Variants in PPP1R3A observed in about 807,000 individuals in gnomAD.
PPP1R3A encodes the protein protein phosphatase 1 regulatory subunit 3A, also known as RG1.
Under a neutral mutation model 41.7 loss-of-function variants are expected in PPP1R3A, and 29 were observed. The observed-to-expected ratio is 0.70, with a 90% CI of 0.52 to 0.95. The LOEUF (loss-of-function observed/expected upper bound fraction) is 0.95. PPP1R3A is among the 40% of genes least tolerant of loss of function. The pLI is 0.00. For synonymous variants in PPP1R3A, 485 were observed against 453.4 expected (o/e 1.07, Z -0.89); for missense variants, 1,352 against 1,292.4 (o/e 1.05, Z -0.71).
intron 1 of PPP1R3A, among the ~76,000 whole-genome samples, chr7:113,904,801 T>C (rs1797119098): frequency 6.6e-6 from 1 of 151,698 alleles, no homozygotes; most frequent in Non-Finnish European, 1.5e-5. Flanking sequence ...CTAAAAACAG[T>C]ATCCCTCCAT....
chr7:113,878,107 C>A lies in PPP1R3A; in HGVS notation c.2985G>T (p.Gln995His), dbSNP rs570974170. ...CACTATACTCTTCTGTTTGGAAAAT[C>A]TGGCCTATGCATCTTTCTTTTCTAC... ...SGSRKERCIG[Q>H]IFQTEEYSVE... The change falls in exon 4 of 4, where the codon CAG (glutamine) becomes CAT (histidine). Residue 995 changes from glutamine to histidine, a missense_variant. Transcript: ENST00000284601. 3 of 1,613,280 alleles carry A rather than the reference C, an allele frequency of 1.9e-6. No individual in the cohort carries two copies. Among genetic ancestry groups the A allele is most frequent in the Non-Finnish European group, 2.5e-6 (3 of 1,179,678 alleles).
chr7:113,878,810 C>A lies in PPP1R3A; in HGVS notation c.2282G>T (p.Arg761Leu). The A allele has an allele frequency of 6.2e-7, 1 of 1,613,584 alleles. No individual in the cohort carries two copies. The highest frequency in any genetic ancestry group is 8.5e-7 in the Non-Finnish European group (1 of 1,179,750). The change falls in exon 4 of 4, where the codon CGA (arginine) becomes CTA (leucine). Residue 761 changes from arginine (R) to leucine (L), a missense_variant. Arg to Leu is a moderately radical substitution (Grantham distance 102). Coordinates refer to ENST00000284601, the MANE Select transcript of PPP1R3A (RefSeq NM_002711.4). ...IIAKLPQETARSDRPIEVKET... is the reference protein window; with the variant it reads ...IIAKLPQETALSDRPIEVKET... The stretch of plus-strand genomic sequence containing the variant: ...CTTTACCTCGATGGGCCTGTCACTT[C>A]GTGCTGTCTCTTGAGGTAGCTTAGC...
intron 1 of PPP1R3A, among the ~76,000 whole-genome samples, chr7:113,908,781 T>C (rs997860197): frequency 2.0e-5 from 3 of 151,812 alleles, no homozygotes; most frequent in Non-Finnish European, 2.9e-5. Flanking sequence ...AGAAAAAGTA[T>C]ATATACACTA....
chr7:113,898,843 G>C (rs1321927003), intron 1 of PPP1R3A, among the ~76,000 whole-genome samples: 1 of 151,740 alleles, frequency 6.6e-6, no homozygotes, highest in Non-Finnish European at 1.5e-5. Context: ...ATTTCTTAGA[G>C]CTTTTACTAA....
intron 1 of PPP1R3A, among the ~76,000 whole-genome samples, chr7:113,891,108 A>AAAAAAAAAAC (rs1562920994): frequency 6.7e-6 from 1 of 150,356 alleles, no homozygotes; most frequent in Non-Finnish European, 1.5e-5. Flanking sequence ...AAAAAAAAAA[A>AAAAAAAAAAC]AAAAAACCCT....
rs1214119050 is a variant in PPP1R3A, at chr7:113,877,221, G to T, written c.*502C>A. The T allele has an allele frequency of 7.9e-5, 12 of 151,322 alleles. No individual in the cohort carries two copies. The highest frequency in any genetic ancestry group is 1.5e-4 in the African/African-American group (6 of 41,104). 9.4% of individuals were successfully genotyped at this position (151,322 alleles called of 1,614,324 possible). A position where few individuals can be genotyped will look rare whatever the true frequency, so the allele number is the denominator to read the frequency against. On this transcript the variant is annotated 3_prime_UTR_variant, in exon 4 of 4. Transcript: ENST00000284601. ...GGGTGTTTTCTTAAAAATATGAAAGGTTGAAATATTTGATCAATGAATCCT... is the reference window on the plus strand; with the variant it reads ...GGGTGTTTTCTTAAAAATATGAAAGTTTGAAATATTTGATCAATGAATCCT...
intron 1 of PPP1R3A, among the ~76,000 whole-genome samples, chr7:113,904,661 T>G (rs1797117172): frequency 1.3e-5 from 2 of 151,164 alleles, no homozygotes; most frequent in Non-Finnish European, 3.0e-5. Context: ...GGTCAAAGAA[T>G]TACCCAGAAA....
At position 113,903,516 on chromosome 7, in the gene PPP1R3A, T is replaced by C. The variant is rs145330405; in HGVS notation, c.782+14699A>G. 3.5e-4 allele frequency among the ~76,000 whole-genome samples: 53 copies of C among 151,752 alleles called. 1 individual carries two copies. The highest frequency in any genetic ancestry group is 1.1e-3 in the African/African-American group (46 of 41,488). ...AATATGCCCTGTAAGTATCATGGTG[T>C]TCATAAATTCCTTAAGCAGAAGGCA... On this transcript the variant is annotated intron_variant, in intron 1 of 3. Transcript: ENST00000284601.
chr7:113,913,775 A>G (rs1190330609), intron 1 of PPP1R3A, among the ~76,000 whole-genome samples: 13 of 152,110 alleles, frequency 8.5e-5, no homozygotes. Context: ...CACATATTCT[A>G]GAAAACCTCA....
chr7:113,898,030 G>A (rs555411114), intron 1 of PPP1R3A, among the ~76,000 whole-genome samples: 1 of 151,868 alleles, frequency 6.6e-6, no homozygotes, highest in South Asian at 2.1e-4. Flanking sequence ...GTCAATACTT[G>A]GAAGGACACT....
chr7:113,900,562 TTATA>T (rs1322061228), intron 1 of PPP1R3A, among the ~76,000 whole-genome samples: 1 of 150,290 alleles, frequency 6.7e-6, no homozygotes, highest in African/African-American at 2.4e-5. Flanking sequence ...ACATATATCA[TTATA>T]TATGTCAATA....
intron 1 of PPP1R3A, among the ~76,000 whole-genome samples, chr7:113,904,906 T>C (rs1797120268): frequency 6.6e-6 from 1 of 151,642 alleles, no homozygotes; most frequent in Admixed American, 6.6e-5. Flanking sequence ...TTGAAGCTAA[T>C]AGGAAAACAA....
At chr7:113,880,219 A>C in intron 3 of PPP1R3A, 94 bp from the exon 4 acceptor site, 1 of 1,114,282 alleles carries the variant, frequency 9.0e-7, no homozygotes. Context: ...GCTAGTAATT[A>C]TCTGGTAGAT....
At chr7:113,915,859 A>G (rs1414550642) in intron 1 of PPP1R3A, among the ~76,000 whole-genome samples, 1 of 151,904 alleles carries the variant, frequency 6.6e-6, no homozygotes, top group Non-Finnish European at 1.5e-5. Flanking sequence ...TCTCTAACCA[A>G]ACTCTTCACA....
intron 1 of PPP1R3A, 104 bp downstream of exon 1, chr7:113,918,111 C>A: frequency 8.9e-7 from 1 of 1,118,312 alleles, no homozygotes. Flanking sequence ...ACATAGCAAG[C>A]AGTATATTTT....
At chr7:113,901,183 C>T (rs919887780) in intron 1 of PPP1R3A, among the ~76,000 whole-genome samples, 10 of 151,674 alleles carry the variant, frequency 6.6e-5, no homozygotes, top group African/African-American at 2.4e-4. Context: ...CACTCTCCCT[C>T]ACTGTGGGTA....
rs775470185 is a variant in PPP1R3A, at chr7:113,878,475, T to C, written c.2617A>G (p.Lys873Glu). Residue 873 changes from lysine to glutamate, a missense_variant, in exon 4 of 4, where the codon AAA becomes GAA. Transcript: ENST00000284601. Reference sequence around the variant, plus strand: ...TCTCTGTTTTCTGAAAATACAGTTTTGTCTGTTGGTAACATTCCCAACTGT... The same window carrying C: ...TCTCTGTTTTCTGAAAATACAGTTTCGTCTGTTGGTAACATTCCCAACTGT... ...DLQLGMLPTDKTVFSENRDLR... is the reference protein window; with the variant it reads ...DLQLGMLPTDETVFSENRDLR... 2.4e-5 allele frequency: 39 copies of C among 1,613,106 alleles called. No homozygotes were observed. The highest frequency in any genetic ancestry group is 3.3e-5 in the Non-Finnish European group (39 of 1,179,644).
At chr7:113,908,683 G>T (rs1797186716) in intron 1 of PPP1R3A, among the ~76,000 whole-genome samples, 1 of 151,674 alleles carries the variant, frequency 6.6e-6, no homozygotes, top group Non-Finnish European at 1.5e-5. Flanking sequence ...TTCTTTTCCA[G>T]ACACACTCGT....
rs753355536 is a variant in PPP1R3A at position 113,918,751 on chromosome 7, G to A, written c.246C>T (p.Cys82=). 1.1e-5 allele frequency: 18 copies of A among 1,613,746 alleles called. No homozygotes were observed. The highest frequency in any genetic ancestry group is 8.8e-5 in the South Asian group (8 of 91,090). Residue 82 remains cysteine, a synonymous_variant, in exon 1 of 4, where the codon TGC becomes TGT. Coordinates refer to ENST00000284601, the MANE Select transcript of PPP1R3A (RefSeq NM_002711.4). The stretch of plus-strand genomic sequence containing the variant: ...TGGTTGAAGCACTCGGTAATTCCCA[G>A]CAATCAAATTCTTTAACAGACACAA... ...FNLVSVKEFD[C]WELPSASTTF...
Sources: gnomAD v4.1 joint callset for allele counts (sites outside exome capture counted in the v4.1 genomes callset) on GRCh38, gnomAD v4.1.1 for gene constraint, MANE v1.5 for transcripts, NCBI Gene and HGNC (gene_info 2026-07-23, HGNC 2026-07-21) for gene names.